CORIN: variants seen among roughly 807,000 people sequenced by gnomAD.
CORIN encodes the protein atrial natriuretic peptide-converting enzyme.
A neutral mutation model predicts 125.3 loss-of-function variants in CORIN; 117 were observed. That is an observed-to-expected ratio of 0.93 (90% CI 0.80 to 1.09). The LOEUF is 1.09. CORIN is among the 50% of genes least tolerant of loss of function. CORIN has a pLI of 0.00. For missense variants in CORIN, 1,253 were observed against 1,306.7 expected, an observed-to-expected ratio of 0.96 and a Z score of 0.63; for synonymous variants, 450 against 466.4, an observed-to-expected ratio of 0.96 and a Z score of 0.45.
chr4:47,715,857 G>A (rs1017785349), intron 5 of CORIN, among the ~76,000 whole-genome samples: 1 of 152,162 alleles, frequency 6.6e-6, no homozygotes, highest in Admixed American at 6.5e-5. Context: ...TAAATTTCTT[G>A]TTCCTAAGAA....
chr4:47,638,011 A>G (rs994076908), intron 16 of CORIN, among the ~76,000 whole-genome samples: 6 of 152,196 alleles, frequency 3.9e-5, no homozygotes, highest in Non-Finnish European at 2.9e-5. Context: ...CCCAAGACCC[A>G]TGGGAACCCA....
chr4:47,757,873 T>TAC (rs747012163), intron 4 of CORIN, among the ~76,000 whole-genome samples: 1 of 106,830 alleles, frequency 9.4e-6, no homozygotes, highest in Non-Finnish European at 1.9e-5. Context: ...TATACATATA[T>TAC]ATATGTATAT....
intron 5 of CORIN, among the ~76,000 whole-genome samples, chr4:47,705,851 T>C (rs1726527698): frequency 6.6e-6 from 1 of 152,200 alleles, no homozygotes; most frequent in Admixed American, 6.5e-5. Context: ...GTGCCCCCCG[T>C]GTGTAACAGT....
At position 47,773,027 on chromosome 4, in the gene CORIN, T is replaced by A. The variant is rs543590686; in HGVS notation, c.410-9441A>T. 2.4e-4 allele frequency among the ~76,000 whole-genome samples: 37 copies of A among 152,256 alleles called. 1 individual carries two copies. The highest frequency in any genetic ancestry group is 4.6e-4 in the African/African-American group (19 of 41,556). On this transcript the variant is annotated intron_variant, in intron 3 of 21. Transcript: ENST00000273857. ...CAATGCTGGGAGTTATAATTTTTTTTTAAAAAAGTAAGCATTTTAAAACAT... is the reference window on the plus strand; with the variant it reads ...CAATGCTGGGAGTTATAATTTTTTTATAAAAAAGTAAGCATTTTAAAACAT...
At chr4:47,828,236 G>A (rs573457733) in intron 1 of CORIN, among the ~76,000 whole-genome samples, 4 of 152,204 alleles carry the variant, frequency 2.6e-5, no homozygotes, top group Admixed American at 2.0e-4. Context: ...AGTGATAAGA[G>A]CACCTTTTGT....
intron 1 of CORIN, among the ~76,000 whole-genome samples, chr4:47,833,232 A>G (rs942194039): frequency 3.3e-5 from 5 of 152,210 alleles, no homozygotes; most frequent in African/African-American, 1.2e-4. Flanking sequence ...GCCAAACAGA[A>G]GAGAGATCCC....
intron 1 of CORIN, among the ~76,000 whole-genome samples, chr4:47,822,940 CAAGTA>C (rs772718844): frequency 1.1e-4 from 17 of 152,048 alleles, no homozygotes; most frequent in Non-Finnish European, 1.8e-4. Context: ...CTCAGCCTCC[CAAGTA>C]CCTGGGACTA....
In CORIN at chr4:47,838,040, T is replaced by C; in HGVS notation, c.-91A>G. 6.3e-7 allele frequency: 1 copy of C among 1,581,070 alleles called. No individual in the cohort carries two copies. The highest frequency in any genetic ancestry group is 1.8e-5 in the Admixed American group (1 of 55,302). ...TCCCCCGGGGAGGCACTACGGATGA[T>C]TTTCTCCAAGCTCAAGAGAGACAAA... On this transcript the variant is annotated 5_prime_UTR_variant, in exon 1 of 22. Transcript: ENST00000273857.
At chr4:47,836,986 GA>G (rs1733462745) in intron 1 of CORIN, among the ~76,000 whole-genome samples, 1 of 152,250 alleles carries the variant, frequency 6.6e-6, no homozygotes, top group African/African-American at 2.4e-5. Context: ...CACCGAAGGA[GA>G]GGGGCAGCCG....
chr4:47,697,013 A>G (rs1435579667), intron 5 of CORIN, among the ~76,000 whole-genome samples: 1 of 152,206 alleles, frequency 6.6e-6, no homozygotes, highest in Non-Finnish European at 1.5e-5. Context: ...CGGAAGAGAA[A>G]GCTGACACAG....
intron 2 of CORIN, among the ~76,000 whole-genome samples, chr4:47,789,228 C>T (rs925990826): frequency 1.3e-5 from 2 of 152,030 alleles, no homozygotes; most frequent in African/African-American, 4.8e-5. Flanking sequence ...TGTTTGAACC[C>T]GGCAGGCAGA....
chr4:47,707,934 GTATATGTCT>G (rs1726654051), intron 5 of CORIN, among the ~76,000 whole-genome samples: 1 of 152,190 alleles, frequency 6.6e-6, no homozygotes, highest in African/African-American at 2.4e-5. Flanking sequence ...TCTCTTCACA[GTATATGTCT>G]TAAAGACTTT....
At chr4:47,718,477 G>C (rs761033925) in intron 5 of CORIN, among the ~76,000 whole-genome samples, 1 of 152,200 alleles carries the variant, frequency 6.6e-6, no homozygotes. Context: ...AAACCACTTA[G>C]CAGTCATTGG....
intron 10 of CORIN, among the ~76,000 whole-genome samples, chr4:47,668,643 C>A (rs1403458729): frequency 1.3e-5 from 2 of 152,188 alleles, no homozygotes; most frequent in Non-Finnish European, 2.9e-5. Flanking sequence ...CTTTCTACCA[C>A]CCCATCAAGG....
At chr4:47,781,183 C>T (rs749470032) in intron 3 of CORIN, among the ~76,000 whole-genome samples, 30 of 152,110 alleles carry the variant, frequency 2.0e-4, no homozygotes, top group Non-Finnish European at 4.3e-4. Flanking sequence ...CTGTCTACCA[C>T]AGACTCACTT....
intron 2 of CORIN, among the ~76,000 whole-genome samples, chr4:47,791,488 A>G (rs562370669): frequency 6.4e-4 from 97 of 152,332 alleles, no homozygotes; most frequent in African/African-American, 2.3e-3. Flanking sequence ...AAAAATTAAT[A>G]CAAGCACCTT....
intron 20 of CORIN, among the ~76,000 whole-genome samples, chr4:47,602,801 C>T (rs1721495816): frequency 6.6e-6 from 1 of 152,122 alleles, no homozygotes; most frequent in African/African-American, 2.4e-5. Flanking sequence ...TGTGACACAT[C>T]GCTAAGTATT....
chr4:47,602,882 C>T (rs1281703385), intron 20 of CORIN, among the ~76,000 whole-genome samples: 2 of 152,040 alleles, frequency 1.3e-5, no homozygotes, highest in East Asian at 3.9e-4. Flanking sequence ...GCTTTTGGGT[C>T]TGGGTACTGG....
Position 47,786,765 on chromosome 4 carries a change from C to G in CORIN, c.369G>C (p.Thr123=), listed in dbSNP as rs533655191. The change falls in exon 3 of 22, where the codon ACG becomes ACC. Residue 123 remains threonine (T), a synonymous_variant. Coordinates refer to ENST00000273857, the MANE Select transcript of CORIN (RefSeq NM_006587.4). ...TTTGGTCCCCTGGGAGAGAAGCATC[C>G]GTAGTCCAGGCTGGAACGTGTTGGT... The part of the protein sequence containing the change: ...HPDQHVPAWT[T]DASLPGDQSH... 6.2e-5 allele frequency: 100 copies of G among 1,614,164 alleles called. 2 individuals are homozygous for G. The South Asian group carries it at 9.3e-4, about 15-fold the overall frequency.
Sources: allele counts gnomAD v4.1 joint callset (sites outside exome capture counted in the v4.1 genomes callset), GRCh38; gene constraint gnomAD v4.1.1; transcripts MANE v1.5; gene names NCBI Gene and HGNC (gene_info 2026-07-23, HGNC 2026-07-21).